KCND3: variants seen among roughly 807,000 people sequenced by gnomAD.
KCND3 encodes potassium voltage-gated channel subfamily D member 3, also known as A-type voltage-gated potassium channel KCND3.
A neutral mutation model predicts 51.1 loss-of-function variants in KCND3; 9 were observed. That is an observed-to-expected ratio of 0.18 (90% CI 0.11 to 0.31). KCND3 has a LOEUF of 0.31. KCND3 is among the 10% of genes least tolerant of loss of function. The pLI is 1.00. For synonymous variants in KCND3, 349 were observed against 368.0 expected (o/e 0.95, Z 0.59); for missense variants, 526 against 903.8 (o/e 0.58, Z 5.36).
At chr1:111,927,572 T>C (rs1671766298) in intron 2 of KCND3, among the ~76,000 whole-genome samples, 1 of 152,238 alleles carries the variant, frequency 6.6e-6, no homozygotes, top group Non-Finnish European at 1.5e-5. Context: ...GGGTGGACTT[T>C]CCAGGATGAA....
Position 111,982,809 on chromosome 1 carries a change from G to C in KCND3, c.-72-11C>G. On this transcript the variant is annotated splice_polypyrimidine_tract_variant and intron_variant, in intron 1 of 7. Transcript: ENST00000302127. The surrounding 1 kb of genome is among the most constrained non-coding windows in gnomAD (Gnocchi z 8.5). Reference sequence around the variant, plus strand: ...TTAGTTCAGCAAACCCTGGGAGACAGGAGGGGAGAGAGAGAAGCGGTGAGT... The same window carrying C: ...TTAGTTCAGCAAACCCTGGGAGACACGAGGGGAGAGAGAGAAGCGGTGAGT... 1 of 1,525,842 alleles carries C rather than the reference G, an allele frequency of 6.6e-7. No homozygotes were observed. Among genetic ancestry groups the C allele is most frequent in the Admixed American group, 1.9e-5 (1 of 51,482 alleles). The allele number at this position is 1,525,842 out of a possible 1,614,324, so 94.5% of individuals were successfully genotyped here. A position where few individuals can be genotyped will look rare whatever the true frequency, so the allele number is the denominator to read the frequency against.
intron 2 of KCND3, among the ~76,000 whole-genome samples, chr1:111,877,348 C>T (rs947931767): frequency 1.3e-5 from 2 of 152,256 alleles, no homozygotes; most frequent in African/African-American, 4.8e-5. Context: ...CTCCATCACA[C>T]TGGTTTCCTC....
At chr1:111,884,333 A>C (rs1669471550) in intron 2 of KCND3, among the ~76,000 whole-genome samples, 1 of 152,196 alleles carries the variant, frequency 6.6e-6, no homozygotes, top group South Asian at 2.1e-4. Flanking sequence ...AGGGACACTG[A>C]TACCTGCCTA....
At chr1:111,834,646 A>C (rs1666992202) in intron 2 of KCND3, among the ~76,000 whole-genome samples, 1 of 152,244 alleles carries the variant, frequency 6.6e-6, no homozygotes, top group Non-Finnish European at 1.5e-5. Context: ...TTACTTTTCC[A>C]TGCAATCAGA....
In KCND3 at chr1:111,982,823, G is replaced by A. The variant is rs1018077048; in HGVS notation, c.-72-25C>T. The A allele has an allele frequency of 2.7e-6, 4 of 1,487,130 alleles. 1 individual carries two copies. The highest frequency in any genetic ancestry group is 3.6e-6 in the Non-Finnish European group (4 of 1,104,288). The allele number at this position is 1,487,130 out of a possible 1,614,324, so 92.1% of individuals were successfully genotyped here. A position where few individuals can be genotyped will look rare whatever the true frequency, so the allele number is the denominator to read the frequency against. On this transcript the variant is annotated intron_variant, in intron 1 of 7. Transcript: ENST00000302127. This position sits in a 1 kb window ranked among gnomAD's most constrained non-coding sequence, Gnocchi z 8.5. ...CCTGGGAGACAGGAGGGGAGAGAGA[G>A]AAGCGGTGAGTCCATATCGACTGGC...
intron 2 of KCND3, among the ~76,000 whole-genome samples, chr1:111,943,588 C>G (rs923235410): frequency 1.3e-5 from 2 of 152,204 alleles, no homozygotes; most frequent in Admixed American, 6.5e-5. Context: ...AGCCGTTGCC[C>G]TTTCTCCTAG....
Position 111,775,790 on chromosome 1 carries a change from C to T in KCND3, c.*287G>A, listed in dbSNP as rs915698428. ...CCTCCATCCAGGCCCTGTCCTGGCACATAGCCTATATCCCCCGGCCTATCC... is the reference window on the plus strand; with the variant it reads ...CCTCCATCCAGGCCCTGTCCTGGCATATAGCCTATATCCCCCGGCCTATCC... On this transcript the variant is annotated 3_prime_UTR_variant, in exon 8 of 8. Transcript: ENST00000302127. The T allele has an allele frequency of 2.0e-6, 1 of 491,240 alleles. No individual in the cohort carries two copies. The highest frequency in any genetic ancestry group is 1.9e-5 in the African/African-American group (1 of 51,476). The allele number at this position is 491,240 out of a possible 1,614,324, so 30.4% of individuals were successfully genotyped here.
intron 2 of KCND3, among the ~76,000 whole-genome samples, chr1:111,866,052 C>A (rs371108147): frequency 6.6e-6 from 1 of 151,374 alleles, no homozygotes; most frequent in Non-Finnish European, 1.5e-5. Context: ...TTTTTGGGGG[C>A]GCAGATTAAT....
At chr1:111,952,936 T>C (rs951072300) in intron 2 of KCND3, among the ~76,000 whole-genome samples, 11 of 152,136 alleles carry the variant, frequency 7.2e-5, no homozygotes, top group Non-Finnish European at 1.3e-4. Context: ...AGGAAAATAA[T>C]ATAAACAACA....
intron 2 of KCND3, among the ~76,000 whole-genome samples, chr1:111,843,321 A>G (rs1667411690): frequency 6.6e-6 from 1 of 152,170 alleles, no homozygotes; most frequent in African/African-American, 2.4e-5. Flanking sequence ...GATTTCCTGG[A>G]AGCTGTGCAC....
intron 2 of KCND3, among the ~76,000 whole-genome samples, chr1:111,813,337 A>T (rs12411103): frequency 6.6e-6 from 1 of 152,170 alleles, no homozygotes; most frequent in Non-Finnish European, 1.5e-5. Context: ...AGAAAATTAC[A>T]TATTTTTAAA....
At chr1:111,879,057 G>A (rs938808182) in intron 2 of KCND3, among the ~76,000 whole-genome samples, 1 of 152,138 alleles carries the variant, frequency 6.6e-6, no homozygotes, top group Non-Finnish European at 1.5e-5. Flanking sequence ...CTTGCCTTCG[G>A]ACTCTAACAG....
intron 2 of KCND3, among the ~76,000 whole-genome samples, chr1:111,794,933 C>T (rs550696340): frequency 7.9e-5 from 12 of 152,316 alleles, no homozygotes; most frequent in Non-Finnish European, 8.8e-5. Flanking sequence ...CAGACCAGGT[C>T]CCTTTGATTC....
At chr1:111,971,109 G>C (rs999726209) in intron 2 of KCND3, among the ~76,000 whole-genome samples, 1 of 152,188 alleles carries the variant, frequency 6.6e-6, no homozygotes, top group Non-Finnish European at 1.5e-5. Flanking sequence ...CACGAAGGTA[G>C]TACCACTCTG....
intron 2 of KCND3, among the ~76,000 whole-genome samples, chr1:111,790,385 G>C (rs560024752): frequency 1.3e-5 from 2 of 152,316 alleles, no homozygotes; most frequent in South Asian, 4.1e-4. Flanking sequence ...CACCTATTTT[G>C]TCTGCTGACA....
chr1:111,858,079 T>C (rs570202123), intron 2 of KCND3, among the ~76,000 whole-genome samples: 1 of 152,290 alleles, frequency 6.6e-6, no homozygotes, highest in Non-Finnish European at 1.5e-5. Flanking sequence ...CGGTTCTACA[T>C]CTCAGCGAAA....
chr1:111,826,479 C>T (rs373806751), intron 2 of KCND3, among the ~76,000 whole-genome samples: 130 of 152,312 alleles, frequency 8.5e-4, no homozygotes, highest in Middle Eastern at 3.4e-3. Flanking sequence ...TCTCATGCCA[C>T]GTGCTCTTCC....
At chr1:111,866,579 A>AAC (rs771342858) in intron 2 of KCND3, among the ~76,000 whole-genome samples, 36,706 of 126,490 alleles carry the variant, frequency 0.29, 5,458 homozygotes, top group Middle Eastern at 0.4. Context: ...TGTTTCTTTA[A>AAC]ACACACACAC....
intron 2 of KCND3, among the ~76,000 whole-genome samples, chr1:111,963,005 C>A (rs1673749774): frequency 6.6e-6 from 1 of 152,148 alleles, no homozygotes; most frequent in African/African-American, 2.4e-5. Context: ...TGATGTGAGA[C>A]AACAGCCATG....
Sources: gnomAD v4.1 joint callset for allele counts (sites outside exome capture counted in the v4.1 genomes callset) on GRCh38, gnomAD v4.1.1 for gene constraint, Gnocchi (gnomAD v3.1) non-coding constraint, MANE v1.5 for transcripts, NCBI Gene and HGNC (gene_info 2026-07-23, HGNC 2026-07-21) for gene names.